Variants in ATP2B3 observed in about 807,000 individuals in gnomAD.
The protein encoded by ATP2B3 is plasma membrane calcium-transporting ATPase 3.
Under a neutral mutation model 70.8 loss-of-function variants are expected in ATP2B3, and 12 were observed. The observed-to-expected ratio is 0.17, with a 90% CI of 0.11 to 0.27. The LOEUF is 0.27. Among genes scored for constraint, ATP2B3 ranks in the 10% least tolerant of loss-of-function variants. ATP2B3 has a pLI of 1.00. For missense variants in ATP2B3, 858 were observed against 1,118.5 expected, an observed-to-expected ratio of 0.77 and a Z score of 3.32; for synonymous variants, 460 against 497.8, an observed-to-expected ratio of 0.92 and a Z score of 1.01.
Position 153,580,578 on chromosome X carries a change from C to T in ATP2B3, c.*280C>T. ...CAAAAAGGGGGAGGAGAAGGTTCTTCGTCCAAAGGAGGAAGGAGAAGAAGT... is the reference window on the plus strand; with the variant it reads ...CAAAAAGGGGGAGGAGAAGGTTCTTTGTCCAAAGGAGGAAGGAGAAGAAGT... On this transcript the variant is annotated 3_prime_UTR_variant, in exon 22 of 22. Transcript: ENST00000263519. 3.2e-6 allele frequency: 1 copy of T among 312,534 alleles called. No homozygotes were observed. Among genetic ancestry groups the T allele is most frequent in the Non-Finnish European group, 5.6e-6 (1 of 178,074 alleles). 25.8% of individuals were successfully genotyped at this position (312,534 alleles called of 1,213,427 possible). A position where few individuals can be genotyped will look rare whatever the true frequency, so the allele number is the denominator to read the frequency against.
chrX:153,559,902 C>T lies in ATP2B3; in HGVS notation c.2799C>T (p.Ala933=), dbSNP rs1274714712. The change falls in exon 18 of 22, where the codon GCC becomes GCT. Residue 933 remains alanine, a synonymous_variant. Coordinates refer to ENST00000263519, the MANE Select transcript of ATP2B3 (RefSeq NM_001001344.3). ...TGATGAAGAACATTCTGGGCCACGC[C>T]GTGTACCAGCTCGCCATCATCTTCA... is the stretch of plus-strand genomic sequence containing the variant. ...RTMMKNILGH[A]VYQLAIIFTL... 2 of 1,210,151 alleles carry T rather than the reference C, an allele frequency of 1.7e-6. No individual in the cohort carries two copies. The highest frequency in any genetic ancestry group is 3.0e-5 in the East Asian group (1 of 33,765).
At chrX:153,533,220 G>A (rs1422760556) in intron 2 of ATP2B3, 1 of 111,870 alleles carries the variant, frequency 8.9e-6, no homozygotes, top group Non-Finnish European at 1.9e-5. Context: ...CAGCTGGTGG[G>A]AGACAAGCTC....
chrX:153,519,375 C>T (rs781980639), intron 2 of ATP2B3, among the ~76,000 whole-genome samples: 52 of 111,762 alleles, frequency 4.7e-4, no homozygotes, highest in Non-Finnish European at 7.5e-4. Context: ...GAGAGGTTAT[C>T]GTAATAATCA....
At chrX:153,534,571 G>A (rs2090162523) in intron 2 of ATP2B3, among the ~76,000 whole-genome samples, 1 of 112,606 alleles carries the variant, frequency 8.9e-6, no homozygotes, top group African/African-American at 3.2e-5. Flanking sequence ...GACGGGGTTA[G>A]TTGAAACTTG....
Position 153,565,018 on chromosome X carries a change from G to A in ATP2B3, c.3257G>A (p.Gly1086Asp), listed in dbSNP as rs1557017660. 2 of 1,201,418 alleles carry A rather than the reference G, an allele frequency of 1.7e-6. No homozygotes were observed. Residue 1086 changes from glycine to aspartate, a missense_variant, in exon 21 of 22, where the codon GGC becomes GAC. Gly to Asp is a moderately conservative substitution (Grantham distance 94). This residue lies in a region of ATP2B3 where 265 missense variants were observed against 305.3 expected (regional missense o/e 0.87). Coordinates refer to ENST00000263519, the MANE Select transcript of ATP2B3 (RefSeq NM_001001344.3). ...DEMTDEELAE[G>D]EEEIDHAERE... ...ATGACCGACGAGGAGCTGGCCGAAGGCGAGGAAGAGATCGACCATGCCGAG... is the reference window on the plus strand; with the variant it reads ...ATGACCGACGAGGAGCTGGCCGAAGACGAGGAAGAGATCGACCATGCCGAG...
chrX:153,556,632 C>G (rs2090541924), intron 15 of ATP2B3, among the ~76,000 whole-genome samples: 1 of 112,165 alleles, frequency 8.9e-6, no homozygotes, highest in Admixed American at 9.3e-5. Flanking sequence ...CAGTGAGTCT[C>G]TAGAAGCAGT....
Position 153,549,497 on chromosome X carries a change from A to C in ATP2B3, c.1339A>C (p.Lys447Gln). Residue 447 changes from lysine to glutamine, a missense_variant and splice_region_variant, in exon 11 of 22, where the codon AAA (lysine) becomes CAA (glutamine). This residue lies in a region of ATP2B3 where 23 missense variants were observed against 59.0 expected (regional missense o/e 0.39). Coordinates refer to ENST00000263519, the MANE Select transcript of ATP2B3 (RefSeq NM_001001344.3). ...ATGCCCACACCCTCGCCCTTTGCAG[A>C]AAATGATGAAAGACAACAACCTGGT... ...VTISLAYSVKKMMKDNNLVRH... is the reference protein window; with the variant it reads ...VTISLAYSVKQMMKDNNLVRH... 1 of 1,211,850 alleles carries C rather than the reference A, an allele frequency of 8.3e-7. No homozygotes were observed. The highest frequency in any genetic ancestry group is 1.1e-6 in the Non-Finnish European group (1 of 895,302).
At chrX:153,544,635 C>T (rs1444692170) in intron 7 of ATP2B3, among the ~76,000 whole-genome samples, 1 of 111,611 alleles carries the variant, frequency 9.0e-6, no homozygotes, top group Non-Finnish European at 1.9e-5. Context: ...CTCCCCGTCT[C>T]TCCCGCCCCA....
chrX:153,572,891 G>A (rs2124540792), intron 21 of ATP2B3, among the ~76,000 whole-genome samples: 1 of 112,461 alleles, frequency 8.9e-6, no homozygotes, highest in South Asian at 3.7e-4. Context: ...CTGCCACTAG[G>A]AGGCACGGGA....
rs1428621223 is a variant in ATP2B3, at chrX:153,582,921, T to C, written c.*2623T>C. 2 of 112,828 alleles carry C rather than the reference T, an allele frequency of 1.8e-5. No homozygotes were observed. The highest frequency in any genetic ancestry group is 2.8e-4 in the East Asian group (1 of 3,617). 9.3% of individuals were successfully genotyped at this position (112,828 alleles called of 1,213,427 possible). A position where few individuals can be genotyped will look rare whatever the true frequency, so the allele number is the denominator to read the frequency against. The stretch of plus-strand genomic sequence containing the variant: ...GTATAAAAAAAAATGAAAGGCTCCT[T>C]ACATCCTGGTCTGGGTAACGTGTGT... On this transcript the variant is annotated 3_prime_UTR_variant, in exon 22 of 22. Coordinates refer to ENST00000263519, the MANE Select transcript of ATP2B3 (RefSeq NM_001001344.3).
At chrX:153,526,248 G>A (rs1320825103) in intron 2 of ATP2B3, among the ~76,000 whole-genome samples, 1 of 112,179 alleles carries the variant, frequency 8.9e-6, no homozygotes, top group African/African-American at 3.2e-5. Context: ...CACAGAGGGG[G>A]CGGGAGGAAT....
intron 8 of ATP2B3, 33 bp downstream of exon 8, chrX:153,546,162 T>A: frequency 1.7e-6 from 2 of 1,207,217 alleles, no homozygotes; most frequent in African/African-American, 3.5e-5. Context: ...CACAACAAGC[T>A]TGGAGCCCTG....
intron 2 of ATP2B3, among the ~76,000 whole-genome samples, chrX:153,526,077 G>A (rs1177754886): frequency 8.0e-5 from 9 of 112,693 alleles, no homozygotes; most frequent in African/African-American, 2.9e-4. Flanking sequence ...CGTGGGAGGG[G>A]GTATCTGAGA....
In ATP2B3 at chrX:153,553,085, G is replaced by C. The variant is rs199524794; in HGVS notation, c.1874G>C (p.Arg625Pro). The C allele has an allele frequency of 4.4e-5, 53 of 1,206,593 alleles. No individual in the cohort carries two copies. Among genetic ancestry groups the C allele is most frequent in the Non-Finnish European group, 5.3e-5 (47 of 892,282 alleles). ...GGCGAACTCCGGGGCTTTCGGCCTC[G>C]GGACCGGGACGACATGGTGAGGAAG... ...SNGELRGFRP[R>P]DRDDMVRKII... Residue 625 changes from arginine to proline, a missense_variant, in exon 13 of 22, where the codon CGG becomes CCG. By Grantham distance (103) the Arg-to-Pro change is moderately radical (BLOSUM62 -2). Coordinates refer to ENST00000263519, the MANE Select transcript of ATP2B3 (RefSeq NM_001001344.3).
intron 21 of ATP2B3, among the ~76,000 whole-genome samples, chrX:153,578,430 G>A (rs368736873): frequency 1.8e-5 from 2 of 112,973 alleles, no homozygotes; most frequent in South Asian, 7.2e-4. Flanking sequence ...ACACTGGCCT[G>A]TGCGAGGCCA....
chrX:153,572,376 G>T (rs1451958607), intron 21 of ATP2B3, among the ~76,000 whole-genome samples: 1 of 112,862 alleles, frequency 8.9e-6, no homozygotes, highest in African/African-American at 3.2e-5. Context: ...GGGCACTGGA[G>T]CTGCCTCCGT....
chrX:153,537,235 G>C (rs957213126), intron 3 of ATP2B3, among the ~76,000 whole-genome samples: 1 of 113,473 alleles, frequency 8.8e-6, no homozygotes, highest in African/African-American at 3.2e-5. Context: ...CAGGAGCCAG[G>C]CCCAGCCCCA....
intron 21 of ATP2B3, among the ~76,000 whole-genome samples, chrX:153,572,778 A>G (rs1173900808): frequency 1.8e-5 from 2 of 111,636 alleles, no homozygotes; most frequent in Non-Finnish European, 3.8e-5. Context: ...AGGCCACAGT[A>G]TCACCCTCCC....
intron 20 of ATP2B3, among the ~76,000 whole-genome samples, chrX:153,563,829 A>C (rs932918500): frequency 8.9e-6 from 1 of 112,717 alleles, no homozygotes; most frequent in South Asian, 3.6e-4. Context: ...CAAAGATAAA[A>C]CATGTTCAAG....
Sources: gnomAD v4.1 joint callset for allele counts (sites outside exome capture counted in the v4.1 genomes callset) on GRCh38, gnomAD v4.1.1 for gene constraint, gnomAD v4.1.1 regional missense constraint, MANE v1.5 for transcripts, NCBI Gene and HGNC (gene_info 2026-07-23, HGNC 2026-07-21) for gene names.